DDIAS: variants seen among roughly 807,000 people sequenced by gnomAD.
DDIAS encodes the protein DNA damage induced apoptosis suppressor.
DDIAS carries 14 observed loss-of-function variants against 15.7 expected under a neutral mutation model. That is an observed-to-expected ratio of 0.89 (90% CI 0.59 to 1.39). The LOEUF (loss-of-function observed/expected upper bound fraction) is 1.39. DDIAS is among the 40% of genes most tolerant of loss of function. DDIAS has a pLI of 0.00. For missense variants in DDIAS, 1,035 were observed against 1,130.9 expected, an observed-to-expected ratio of 0.92 and a Z score of 1.22; for synonymous variants, 355 against 395.9, an observed-to-expected ratio of 0.90 and a Z score of 1.23.
At position 82,901,755 on chromosome 11, in the gene DDIAS, T is replaced by C. The variant is rs1860306414; in HGVS notation, c.-184T>C. On this transcript the variant is annotated 5_prime_UTR_variant, in exon 1 of 6. Coordinates refer to ENST00000533655, the MANE Select transcript of DDIAS (RefSeq NM_145018.4). ...AGATTCGATTGGAAGGCTGCCGGCGTGCTACTGAGTTCGGCCGGTCCGAGT... is the reference window on the plus strand; with the variant it reads ...AGATTCGATTGGAAGGCTGCCGGCGCGCTACTGAGTTCGGCCGGTCCGAGT... The C allele has an allele frequency of 6.6e-6, 1 of 152,094 alleles. No individual in the cohort carries two copies. The highest frequency in any genetic ancestry group is 2.1e-4 in the South Asian group (1 of 4,822). 9.4% of individuals were successfully genotyped at this position (152,094 alleles called of 1,614,324 possible). A position where few individuals can be genotyped will look rare whatever the true frequency, so the allele number is the denominator to read the frequency against.
intron 1 of DDIAS, among the ~76,000 whole-genome samples, chr11:82,912,264 A>G (rs924853338): frequency 3.9e-5 from 6 of 152,182 alleles, no homozygotes; most frequent in African/African-American, 1.2e-4. Context: ...TTTTCCTCCC[A>G]TATAAGTCTG....
chr11:82,933,497 T>C lies in DDIAS; in HGVS notation c.2159T>C (p.Leu720Pro), dbSNP rs1179737893. The C allele has an allele frequency of 6.2e-7, 1 of 1,614,002 alleles. No individual in the cohort carries two copies. Among genetic ancestry groups the C allele is most frequent in the Admixed American group, 1.7e-5 (1 of 60,018 alleles). The change falls in exon 6 of 6, where the codon CTG becomes CCG. Residue 720 changes from leucine (L) to proline (P), a missense_variant. Physicochemically the swap from Leu to Pro is moderately conservative, Grantham distance 98. Coordinates refer to ENST00000533655, the MANE Select transcript of DDIAS (RefSeq NM_145018.4). ...ESHPSESDFS[L>P]RSLSEDFIQP... ...CACCCTTCAGAGTCTGATTTTTCAC[T>C]GAGATCACTTTCTGAAGACTTCATC... is the stretch of plus-strand genomic sequence containing the variant.
intron 3 of DDIAS, among the ~76,000 whole-genome samples, chr11:82,926,992 A>G (rs1860876276): frequency 6.6e-6 from 1 of 152,304 alleles, no homozygotes; most frequent in Non-Finnish European, 1.5e-5. Flanking sequence ...ATCATATCAT[A>G]ATATCAGAAC....
In DDIAS at chr11:82,933,584, C is replaced by T. The variant is rs760885843; in HGVS notation, c.2246C>T (p.Ser749Phe). 2.2e-5 allele frequency: 35 copies of T among 1,613,904 alleles called. 1 individual carries two copies. In the South Asian group the frequency reaches 2.6e-4, roughly 12 times the overall value. Residue 749 changes from serine to phenylalanine, a missense_variant, in exon 6 of 6, where the codon TCT becomes TTT. Coordinates refer to ENST00000533655, the MANE Select transcript of DDIAS (RefSeq NM_145018.4). ...GACTCTAGGCATTCAAGAACATGCT[C>T]TCCAACACCTCATTTTCAATCAGAT... is the stretch of plus-strand genomic sequence containing the variant. ...LSDSRHSRTC[S>F]PTPHFQSDSE...
At chr11:82,906,333 T>C (rs981165009) in intron 1 of DDIAS, among the ~76,000 whole-genome samples, 1 of 152,160 alleles carries the variant, frequency 6.6e-6, no homozygotes, top group Non-Finnish European at 1.5e-5. Context: ...GCTGTTTTTA[T>C]AGATTTTTAG....
In DDIAS at chr11:82,933,824, C is replaced by T. The variant is rs749930863; in HGVS notation, c.2486C>T (p.Thr829Ile). Reference protein sequence around the residue: ...ASPSCPKNIKTPSQKIRSPIV... With the variant: ...ASPSCPKNIKIPSQKIRSPIV... ...CCAAGCTGTCCAAAAAATATAAAAA[C>T]ACCTAGCCAGAAAATCAGAAGCCCT... The change falls in exon 6 of 6, where the codon ACA (threonine) becomes ATA (isoleucine). Residue 829 changes from threonine to isoleucine, a missense_variant. Thr to Ile is a moderately conservative substitution (Grantham distance 89). Coordinates refer to ENST00000533655, the MANE Select transcript of DDIAS (RefSeq NM_145018.4). The T allele has an allele frequency of 6.2e-7, 1 of 1,613,752 alleles. No homozygotes were observed. The highest frequency in any genetic ancestry group is 1.1e-5 in the South Asian group (1 of 90,962).
rs138474343 is a variant in DDIAS, at chr11:82,925,154, A to C, written c.114-3623A>C. Among the ~76,000 whole-genome samples, 1,264 of 152,256 alleles carry C rather than the reference A, an allele frequency of 8.3e-3. 18 individuals are homozygous for C. Among genetic ancestry groups the C allele is most frequent in the African/African-American group, 0.029 (1,210 of 41,498 alleles). On this transcript the variant is annotated intron_variant, in intron 3 of 5. Coordinates refer to ENST00000533655, the MANE Select transcript of DDIAS (RefSeq NM_145018.4). Reference sequence around the variant, plus strand: ...AAAACAATGCTGGTCTCTTCTTACTAATTTTTAAAATTTGAAAAACATAAC... The same window carrying C: ...AAAACAATGCTGGTCTCTTCTTACTCATTTTTAAAATTTGAAAAACATAAC...
chr11:82,932,001 C>A lies in DDIAS; in HGVS notation c.663C>A (p.Asp221Glu). The A allele has an allele frequency of 6.2e-7, 1 of 1,614,154 alleles. No homozygotes were observed. Among genetic ancestry groups the A allele is most frequent in the Non-Finnish European group, 8.5e-7 (1 of 1,180,014 alleles). Residue 221 changes from aspartate to glutamate, a missense_variant, in exon 6 of 6, where the codon GAC becomes GAA. By Grantham distance (45) the Asp-to-Glu change is conservative. Coordinates refer to ENST00000533655, the MANE Select transcript of DDIAS (RefSeq NM_145018.4). ...NSDLSSIYTS[D>E]STSDFFKSCS... ...ATCTCAGCAGCATATATACTTCTGA[C>A]AGCACTTCTGATTTTTTCAAGTCCT...
intron 3 of DDIAS, among the ~76,000 whole-genome samples, chr11:82,916,868 CAT>C (rs1860642401): frequency 1.3e-5 from 2 of 152,300 alleles, no homozygotes; most frequent in Middle Eastern, 3.4e-3. Context: ...GGGGCAGAAA[CAT>C]ATTCAAGCCT....
At chr11:82,931,170 A>G (rs531279352) in intron 5 of DDIAS, among the ~76,000 whole-genome samples, 16 of 152,248 alleles carry the variant, frequency 1.1e-4, no homozygotes, top group African/African-American at 3.9e-4. Context: ...AAATTGTCCA[A>G]AGTCTCAACA....
chr11:82,907,397 A>G (rs1020092250), intron 1 of DDIAS, among the ~76,000 whole-genome samples: 1 of 152,226 alleles, frequency 6.6e-6, no homozygotes, highest in African/African-American at 2.4e-5. Flanking sequence ...AGAAAAAAAG[A>G]AAAGCCATTC....
chr11:82,912,560 C>T (rs1177550783), intron 1 of DDIAS, among the ~76,000 whole-genome samples: 2 of 152,148 alleles, frequency 1.3e-5, no homozygotes, highest in Non-Finnish European at 2.9e-5. Flanking sequence ...GATTAGGCTT[C>T]GATTTAAGGG....
At chr11:82,911,685 C>CT (rs1344066645) in intron 1 of DDIAS, among the ~76,000 whole-genome samples, 1 of 152,220 alleles carries the variant, frequency 6.6e-6, no homozygotes, top group Non-Finnish European at 1.5e-5. Flanking sequence ...TCCCATAAAT[C>CT]ATGAATGTTC....
At chr11:82,903,687 A>G (rs542058954) in intron 1 of DDIAS, among the ~76,000 whole-genome samples, 1 of 152,194 alleles carries the variant, frequency 6.6e-6, no homozygotes, top group Admixed American at 6.5e-5. Context: ...CTGCCTTTAG[A>G]AAAATTAAAC....
At chr11:82,910,752 AC>A (rs559707074) in intron 1 of DDIAS, among the ~76,000 whole-genome samples, 157 of 151,694 alleles carry the variant, frequency 1.0e-3, no homozygotes, top group Middle Eastern at 3.4e-3. Context: ...AGTAGCTGGG[AC>A]CACAAGCTCA....
chr11:82,916,469 G>A lies in DDIAS; in HGVS notation c.113+1618G>A, dbSNP rs536563529. ...CCTCAAAATGGGGAAAGTAATATCT[G>A]CCTAATAAGGTTCTTGTAAGGATCA... On this transcript the variant is annotated intron_variant, in intron 3 of 5. Transcript: ENST00000533655. Among the ~76,000 whole-genome samples the A allele has an allele frequency of 3.3e-5, 5 of 151,934 alleles. No homozygotes were observed. The South Asian group carries it at 8.3e-4, about 25-fold the overall frequency.
At chr11:82,910,882 T>C (rs1343638749) in intron 1 of DDIAS, among the ~76,000 whole-genome samples, 1 of 152,040 alleles carries the variant, frequency 6.6e-6, no homozygotes, top group Non-Finnish European at 1.5e-5. Context: ...AGGCATACCT[T>C]GGAGATATTG....
intron 1 of DDIAS, among the ~76,000 whole-genome samples, chr11:82,908,686 T>C (rs1160977554): frequency 6.6e-6 from 1 of 152,204 alleles, no homozygotes; most frequent in Admixed American, 6.5e-5. Flanking sequence ...CTGACCTTCC[T>C]AGAACTCAGA....
Position 82,928,854 on chromosome 11 carries a change from C to G in DDIAS, c.191C>G (p.Ala64Gly). Residue 64 changes from alanine (A) to glycine (G), a missense_variant, in exon 4 of 6, where the codon GCA (alanine) becomes GGA (glycine). Coordinates refer to ENST00000533655, the MANE Select transcript of DDIAS (RefSeq NM_145018.4). ...AGATACAAACTTTCCTTAAAAGTTG[C>G]AGAATCAAACAAATTGTTTGTTATT... ...NYRYKLSLKVAESNKLFVITV... is the reference protein window; with the variant it reads ...NYRYKLSLKVGESNKLFVITV... 1.2e-6 allele frequency: 2 copies of G among 1,612,006 alleles called. No homozygotes were observed. The highest frequency in any genetic ancestry group is 8.5e-7 in the Non-Finnish European group (1 of 1,179,448).
Sources: gnomAD v4.1 joint callset for allele counts (sites outside exome capture counted in the v4.1 genomes callset) on GRCh38, gnomAD v4.1.1 for gene constraint, MANE v1.5 for transcripts, NCBI Gene and HGNC (gene_info 2026-07-23, HGNC 2026-07-21) for gene names.